Variants in ZBBX observed in about 807,000 individuals in gnomAD.
ZBBX encodes the protein zinc finger B-box domain containing, also known as zinc finger B-box domain-containing protein 1.
A neutral mutation model predicts 108.5 loss-of-function variants in ZBBX; 101 were observed. The observed-to-expected ratio is 0.93, with a 90% CI of 0.79 to 1.10. The LOEUF is 1.10. Among genes scored for constraint, ZBBX ranks in the 50% least tolerant of loss-of-function variants. The pLI is 0.00. For synonymous variants in ZBBX, 356 were observed against 323.4 expected, an observed-to-expected ratio of 1.10 and a Z score of -1.08; for missense variants, 1,009 against 941.4, an observed-to-expected ratio of 1.07 and a Z score of -0.94.
intron 6 of ZBBX, among the ~76,000 whole-genome samples, chr3:167,364,405 G>A (rs551935901): frequency 1.5e-4 from 23 of 151,680 alleles, no homozygotes; most frequent in South Asian, 6.2e-4. Context: ...CTTTACTTTC[G>A]TCCTTATAAC....
chr3:167,391,829 C>T (rs1236189731), intron 1 of ZBBX, among the ~76,000 whole-genome samples: 1 of 151,596 alleles, frequency 6.6e-6, no homozygotes, highest in Non-Finnish European at 1.5e-5. Context: ...GTAACTACTA[C>T]TAGAATGAAG....
intron 1 of ZBBX, among the ~76,000 whole-genome samples, chr3:167,397,970 G>A (rs920714623): frequency 6.6e-6 from 1 of 151,568 alleles, no homozygotes; most frequent in Non-Finnish European, 1.5e-5. Context: ...AAGAAACAAA[G>A]CATGTTTGGG....
chr3:167,389,135 G>A (rs532372788), intron 1 of ZBBX, among the ~76,000 whole-genome samples: 68 of 151,860 alleles, frequency 4.5e-4, no homozygotes, highest in Admixed American at 3.0e-3. Flanking sequence ...CCTTGCCCCC[G>A]ACCACCTGAC....
At chr3:167,208,636 T>C in the ZBBX span, among the ~76,000 whole-genome samples, 1 of 152,308 alleles carries the variant, frequency 6.6e-6, no homozygotes, top group Middle Eastern at 3.4e-3. Context: ...AAAGAGCCCT[T>C]GGGCTCTCAA....
intron 15 of ZBBX, among the ~76,000 whole-genome samples, chr3:167,315,420 G>A (rs1369181484): frequency 6.6e-6 from 1 of 152,082 alleles, no homozygotes; most frequent in Non-Finnish European, 1.5e-5. Flanking sequence ...TATCTTTAGA[G>A]AGAAGAAGAA....
chr3:167,268,894 C>T (rs187898559), intron 20 of ZBBX, among the ~76,000 whole-genome samples: 119 of 152,232 alleles, frequency 7.8e-4, no homozygotes, highest in Non-Finnish European at 1.1e-3. Flanking sequence ...TCCAGACCCC[C>T]GTTTAAAAGA....
At chr3:167,245,383 T>G (rs1416947845) in intron 20 of ZBBX, among the ~76,000 whole-genome samples, 1 of 152,198 alleles carries the variant, frequency 6.6e-6, no homozygotes, top group Non-Finnish European at 1.5e-5. Context: ...ACTTTAGCCT[T>G]CCTTAATTTT....
intron 10 of ZBBX, 71 bp downstream of exon 10, chr3:167,333,756 T>C (rs1026863427): frequency 7.6e-7 from 1 of 1,307,366 alleles, no homozygotes; most frequent in Admixed American, 2.6e-5. Flanking sequence ...ATAGCTCAAG[T>C]TAAGTACATG....
At chr3:167,406,795 G>A (rs866044538) in intron 1 of ZBBX, among the ~76,000 whole-genome samples, 3 of 152,138 alleles carry the variant, frequency 2.0e-5, no homozygotes, top group Non-Finnish European at 4.4e-5. Flanking sequence ...AAGGATCAGG[G>A]AAGTTGCAAA....
intron 9 of ZBBX, among the ~76,000 whole-genome samples, chr3:167,337,804 T>C (rs1739827415): frequency 6.6e-6 from 1 of 152,136 alleles, no homozygotes; most frequent in South Asian, 2.1e-4. Flanking sequence ...AATAAGAATA[T>C]GAAGGTTATT....
chr3:167,372,284 C>T (rs749188584), intron 4 of ZBBX, among the ~76,000 whole-genome samples: 3 of 152,116 alleles, frequency 2.0e-5, no homozygotes, highest in Admixed American at 6.5e-5. Context: ...CTAAGTATTT[C>T]CAGTGACTGT....
At chr3:167,390,269 G>A (rs1480099642) in intron 1 of ZBBX, among the ~76,000 whole-genome samples, 1 of 152,042 alleles carries the variant, frequency 6.6e-6, no homozygotes, top group Non-Finnish European at 1.5e-5. Flanking sequence ...AGATCTGATG[G>A]TTGTAGATAT....
At chr3:167,360,847 A>G (rs901695934) in intron 6 of ZBBX, 124 bp from the exon 7 acceptor site, 4 of 409,876 alleles carry the variant, frequency 9.8e-6, no homozygotes, top group Non-Finnish European at 1.7e-5. Flanking sequence ...TTTTTAAAGA[A>G]TAATATAAAA....
chr3:167,217,537 T>C, the ZBBX span, among the ~76,000 whole-genome samples: 1 of 152,142 alleles, frequency 6.6e-6, no homozygotes, highest in Non-Finnish European at 1.5e-5. Context: ...GTTCAATCTT[T>C]GTGAAAAGAA....
intron 5 of ZBBX, 112 bp downstream of exon 5, chr3:167,368,349 G>T: frequency 1.2e-6 from 1 of 824,278 alleles, no homozygotes; most frequent in Non-Finnish European, 1.9e-6. Flanking sequence ...ATCAGGAAAA[G>T]TCAGAAATTA....
chr3:167,318,600 A>G (rs1735867118), intron 12 of ZBBX, among the ~76,000 whole-genome samples: 1 of 151,960 alleles, frequency 6.6e-6, no homozygotes, highest in Admixed American at 6.6e-5. Flanking sequence ...ATTTTGATAA[A>G]ATTGACAAGT....
chr3:167,289,450 G>A (rs570457119), intron 18 of ZBBX, among the ~76,000 whole-genome samples: 2 of 152,258 alleles, frequency 1.3e-5, no homozygotes, highest in South Asian at 2.1e-4. Context: ...TTGTACAGTG[G>A]GTGCAGCCCA....
intron 20 of ZBBX, among the ~76,000 whole-genome samples, chr3:167,267,235 C>T (rs554562329): frequency 6.6e-6 from 1 of 152,210 alleles, no homozygotes; most frequent in African/African-American, 2.4e-5. Context: ...TAAGAGGGAC[C>T]TGAAATATTT....
intron 19 of ZBBX, among the ~76,000 whole-genome samples, chr3:167,283,225 T>C (rs989947471): frequency 1.3e-5 from 2 of 151,914 alleles, no homozygotes; most frequent in African/African-American, 4.8e-5. Context: ...CCTTTAACAG[T>C]AGGAAAAAAA....
Sources: gnomAD v4.1 joint callset for allele counts (sites outside exome capture counted in the v4.1 genomes callset) on GRCh38, gnomAD v4.1.1 for gene constraint, MANE v1.5 for transcripts, NCBI Gene and HGNC (gene_info 2026-07-23, HGNC 2026-07-21) for gene names.